MTUS2: variants seen among roughly 807,000 people sequenced by gnomAD.
The protein encoded by MTUS2 is microtubule-associated tumor suppressor candidate 2.
A neutral mutation model predicts 114.1 loss-of-function variants in MTUS2; 40 were observed. That is an observed-to-expected ratio of 0.35 (90% CI 0.27 to 0.46). MTUS2 has a LOEUF of 0.46. Among genes scored for constraint, MTUS2 ranks in the 20% least tolerant of loss-of-function variants. The pLI, the probability that MTUS2 is intolerant of heterozygous loss-of-function variation, is 1.00. For synonymous variants in MTUS2, 688 were observed against 672.0 expected (o/e 1.02, Z -0.37); for missense variants, 1,679 against 1,705.4 (o/e 0.98, Z 0.27).
At chr13:29,089,422 C>T (rs1032613146) in intron 4 of MTUS2, among the ~76,000 whole-genome samples, 17 of 152,140 alleles carry the variant, frequency 1.1e-4, no homozygotes, top group Admixed American at 1.1e-3. Context: ...AATCTGATGA[C>T]TATGTGCTTT....
At chr13:28,973,648 A>G (rs1883957286) in intron 2 of MTUS2, among the ~76,000 whole-genome samples, 2 of 152,212 alleles carry the variant, frequency 1.3e-5, no homozygotes, top group East Asian at 1.9e-4. Flanking sequence ...GCTTTTCCCT[A>G]TTGCTGGTGA....
intron 6 of MTUS2, among the ~76,000 whole-genome samples, chr13:29,297,708 G>T (rs1281897033): frequency 6.6e-6 from 1 of 152,184 alleles, no homozygotes; most frequent in Non-Finnish European, 1.5e-5. Flanking sequence ...CCTCTTAGGG[G>T]TTTCAGATGC....
intron 2 of MTUS2, among the ~76,000 whole-genome samples, chr13:29,019,394 G>T (rs188512794): frequency 6.6e-6 from 1 of 152,278 alleles, no homozygotes; most frequent in East Asian, 1.9e-4. Context: ...GATTATCAAT[G>T]AATGATAATG....
chr13:29,446,806 A>G (rs1593453332), intron 9 of MTUS2, among the ~76,000 whole-genome samples: 2 of 152,160 alleles, frequency 1.3e-5, no homozygotes, highest in African/African-American at 4.8e-5. Context: ...TCTCCCTCCC[A>G]TGCACACACA....
intron 9 of MTUS2, among the ~76,000 whole-genome samples, chr13:29,443,834 T>C (rs1878082421): frequency 6.6e-6 from 1 of 152,156 alleles, no homozygotes; most frequent in African/African-American, 2.4e-5. Flanking sequence ...TTAAGGCTCT[T>C]GTCAGCTGAG....
intron 9 of MTUS2, among the ~76,000 whole-genome samples, chr13:29,465,590 C>T (rs914920694): frequency 3.3e-5 from 5 of 152,166 alleles, no homozygotes; most frequent in African/African-American, 1.2e-4. Context: ...CTGTTTCCTG[C>T]CCTGGGGTCT....
chr13:29,270,672 G>T (rs1349495112), intron 5 of MTUS2, among the ~76,000 whole-genome samples: 1 of 152,230 alleles, frequency 6.6e-6, no homozygotes, highest in Non-Finnish European at 1.5e-5. Flanking sequence ...CCGAGCATGA[G>T]CACACGCTCC....
chr13:29,218,245 G>A (rs1044086338), intron 5 of MTUS2, among the ~76,000 whole-genome samples: 4 of 151,488 alleles, frequency 2.6e-5, no homozygotes, highest in African/African-American at 7.3e-5. Context: ...TCATCCAAAG[G>A]AAGCAACTCC....
intron 4 of MTUS2, among the ~76,000 whole-genome samples, chr13:29,046,107 G>A (rs1417619662): frequency 7.9e-6 from 1 of 126,666 alleles, no homozygotes; most frequent in African/African-American, 3.0e-5. Context: ...TGATTTCTTG[G>A]TTAGTAAGTA....
intron 1 of MTUS2, among the ~76,000 whole-genome samples, chr13:28,836,291 G>A (rs1253518828): frequency 6.6e-6 from 1 of 152,098 alleles, no homozygotes; most frequent in Admixed American, 6.5e-5. Flanking sequence ...GTGCTCATTG[G>A]CCACCCCTTG....
At chr13:29,313,067 A>G (rs1377470527) in intron 6 of MTUS2, among the ~76,000 whole-genome samples, 1 of 152,176 alleles carries the variant, frequency 6.6e-6, no homozygotes, top group Admixed American at 6.5e-5. Flanking sequence ...TGTATTGTCT[A>G]ATGGGGAATA....
intron 5 of MTUS2, among the ~76,000 whole-genome samples, chr13:29,209,485 C>T (rs1895332352): frequency 6.6e-6 from 1 of 151,132 alleles, no homozygotes; most frequent in Non-Finnish European, 1.5e-5. Context: ...GCCTGAATAC[C>T]TTGTTGTTTT....
At chr13:29,310,092 T>C (rs1290539898) in intron 6 of MTUS2, among the ~76,000 whole-genome samples, 1 of 152,218 alleles carries the variant, frequency 6.6e-6, no homozygotes, top group East Asian at 1.9e-4. Flanking sequence ...CAGCCTCTGG[T>C]AACCTTCATT....
chr13:28,978,057 T>C (rs545956174), intron 2 of MTUS2, among the ~76,000 whole-genome samples: 2 of 152,346 alleles, frequency 1.3e-5, no homozygotes, highest in East Asian at 3.9e-4. Context: ...CATTGCTCTT[T>C]GAGATAGAAT....
chr13:29,356,988 G>A (rs748239097), intron 7 of MTUS2, among the ~76,000 whole-genome samples: 12 of 152,130 alleles, frequency 7.9e-5, no homozygotes, highest in Non-Finnish European at 1.2e-4. Context: ...CTCAGAATGC[G>A]GGTTGTTCGC....
In MTUS2 at chr13:29,504,307, C is replaced by G. The variant is rs536047580; in HGVS notation, c.*1101C>G. On this transcript the variant is annotated 3_prime_UTR_variant, in exon 16 of 16. Coordinates refer to ENST00000612955, the MANE Select transcript of MTUS2 (RefSeq NM_001033602.4). ...AATAGGACCCTCAGGCCCCCATTTC[C>G]TAGCAGCCCCCCTTCAGTTTGGTTC... 1 of 232,314 alleles carries G rather than the reference C, an allele frequency of 4.3e-6. No individual in the cohort carries two copies. The highest frequency in any genetic ancestry group is 1.8e-4 in the South Asian group (1 of 5,502). The allele number at this position is 232,314 out of a possible 1,614,324, so 14.4% of individuals were successfully genotyped here. A position where few individuals can be genotyped will look rare whatever the true frequency, so the allele number is the denominator to read the frequency against.
intron 4 of MTUS2, among the ~76,000 whole-genome samples, chr13:29,045,140 G>A (rs896114044): frequency 6.6e-6 from 1 of 152,070 alleles, no homozygotes; most frequent in Admixed American, 6.6e-5. Flanking sequence ...CTCTTAATAC[G>A]TAATATAAGA....
At chr13:29,059,385 G>A (rs1888303376) in intron 4 of MTUS2, among the ~76,000 whole-genome samples, 1 of 152,050 alleles carries the variant, frequency 6.6e-6, no homozygotes, top group African/African-American at 2.4e-5. Context: ...CACATTTCTG[G>A]TCCACAAGGC....
At chr13:29,054,733 A>C (rs1888052210) in intron 4 of MTUS2, among the ~76,000 whole-genome samples, 1 of 152,132 alleles carries the variant, frequency 6.6e-6, no homozygotes, top group African/African-American at 2.4e-5. Context: ...GCAATATTTA[A>C]AATATTTTAA....
Sources: allele counts gnomAD v4.1 joint callset (sites outside exome capture counted in the v4.1 genomes callset), GRCh38; gene constraint gnomAD v4.1.1; transcripts MANE v1.5; gene names NCBI Gene and HGNC (gene_info 2026-07-23, HGNC 2026-07-21).